Variants in ALPK3 observed in about 807,000 individuals in gnomAD.
ALPK3 encodes alpha-protein kinase 3.
ALPK3 carries 102 observed loss-of-function variants against 140.0 expected under a neutral mutation model. That is an observed-to-expected ratio of 0.73 (90% CI 0.62 to 0.86). The LOEUF is 0.86. ALPK3 is among the 40% of genes least tolerant of loss of function. ALPK3 has a pLI of 0.00. For missense variants in ALPK3, 2,254 were observed against 2,208.2 expected, an observed-to-expected ratio of 1.02 and a Z score of -0.42; for synonymous variants, 938 against 898.5, an observed-to-expected ratio of 1.04 and a Z score of -0.79.
rs1042739985 is a variant in ALPK3, at chr15:84,858,021, G to T, written c.3283G>T (p.Val1095Phe). 3.2e-6 allele frequency: 5 copies of T among 1,585,724 alleles called. No individual in the cohort carries two copies. The highest frequency in any genetic ancestry group is 4.3e-6 in the Non-Finnish European group (5 of 1,166,832). The change falls in exon 6 of 14, where the codon GTT becomes TTT. Residue 1095 changes from valine to phenylalanine, a missense_variant. Physicochemically the swap from Val to Phe is conservative, Grantham distance 50 (BLOSUM62 -1). This residue lies in a region of ALPK3 where 2,088 missense variants were observed against 2,022.9 expected (regional missense o/e 1.03). Coordinates refer to ENST00000258888, the MANE Select transcript of ALPK3 (RefSeq NM_020778.5). The part of the protein sequence containing the change: ...SEGASEGEGE[V>F]SPEGPGLLGA... ...AGGAGCCAGTGAGGGTGAAGGAGAG[G>T]TTTCCCCTGAGGGGCCTGGCCTCCT...
chr15:84,863,450 C>G lies in ALPK3; in HGVS notation c.4411-102C>G, dbSNP rs903822271. On this transcript the variant is annotated intron_variant, in intron 10 of 13. Transcript: ENST00000258888. ...CCTCCCCCAGGGCTGGAATCCTCCT[C>G]TCAGTCCCCTAACAGAATAGGTAGC... The G allele has an allele frequency of 1.4e-5, 14 of 1,007,376 alleles. No individual in the cohort carries two copies. In the African/African-American group the frequency reaches 1.9e-4, roughly 14 times the overall value. The allele number at this position is 1,007,376 out of a possible 1,614,324, so 62.4% of individuals were successfully genotyped here. A position where few individuals can be genotyped will look rare whatever the true frequency, so the allele number is the denominator to read the frequency against.
rs768225211 is a variant in ALPK3 at position 84,859,899 on chromosome 15, T to C, written c.4089T>C (p.Pro1363=). Residue 1363 remains proline (P), a synonymous_variant, in exon 8 of 14, where the codon CCT becomes CCC. Transcript: ENST00000258888. ...CCTCCACCGACTTCTGCCTCAGCCCTGAGGGTGAGTGTGCCCCGCGGCCCG... is the reference window on the plus strand; with the variant it reads ...CCTCCACCGACTTCTGCCTCAGCCCCGAGGGTGAGTGTGCCCCGCGGCCCG... ...GSASTDFCLS[P]EVLSGFISRE... The C allele has an allele frequency of 7.4e-6, 12 of 1,614,002 alleles. No homozygotes were observed. The highest frequency in any genetic ancestry group is 9.3e-6 in the Non-Finnish European group (11 of 1,180,004).
rs1204462742 is a variant in ALPK3, at chr15:84,839,050, AT to A, written c.376del (p.Tyr126MetfsTer47). On this transcript the variant is annotated frameshift_variant, in exon 4 of 14. Coordinates refer to ENST00000258888, the MANE Select transcript of ALPK3 (RefSeq NM_020778.5). LOFTEE classifies it high-confidence loss of function. ...TGGACCGCTACTGTGGCTTGCCAAA[AT>A]ATGAGATCACTCATCAGGGCAACCG... ...ELDRYCGLPK[Y>X]EITHQGNRHT... 1 of 1,612,668 alleles carries A rather than the reference AT, an allele frequency of 6.2e-7. No homozygotes were observed. Among genetic ancestry groups the A allele is most frequent in the Admixed American group, 1.7e-5 (1 of 59,892 alleles).
rs776487097 is a variant in ALPK3, at chr15:84,867,373, G to T, written c.4772+8G>T. The T allele has an allele frequency of 6.2e-7, 1 of 1,613,984 alleles. No individual in the cohort carries two copies. The highest frequency in any genetic ancestry group is 2.2e-5 in the East Asian group (1 of 44,772). On this transcript the variant is annotated splice_region_variant and intron_variant, in intron 13 of 13. Transcript: ENST00000258888. ...TGCTACCAAACTCCGAGGGTGAGTG[G>T]TTCTTGGGGACAGAATGCCCTCTGG... is the stretch of plus-strand genomic sequence containing the variant.
chr15:84,867,939 G>C (rs1567096411), intron 13 of ALPK3, among the ~76,000 whole-genome samples, 172 bp from the exon 14 acceptor site: 1 of 152,054 alleles, frequency 6.6e-6, no homozygotes, highest in African/African-American at 2.4e-5. Context: ...AAAAACTGAG[G>C]TTTTGGCTGC....
intron 10 of ALPK3, 99 bp downstream of exon 10, chr15:84,863,014 G>A: frequency 6.7e-7 from 1 of 1,483,230 alleles, no homozygotes; most frequent in Non-Finnish European, 9.1e-7. Flanking sequence ...GAGGCAGAAG[G>A]CATCTCAGTC....
chr15:84,822,573 G>C (rs1344335385), intron 1 of ALPK3, among the ~76,000 whole-genome samples: 1 of 152,106 alleles, frequency 6.6e-6, no homozygotes, highest in Non-Finnish European at 1.5e-5. Flanking sequence ...GGAGATTTTT[G>C]TATCAGGAAA....
chr15:84,854,899 AAT>A (rs1483156952), intron 5 of ALPK3, among the ~76,000 whole-genome samples: 1 of 152,212 alleles, frequency 6.6e-6, no homozygotes, highest in Non-Finnish European at 1.5e-5. Flanking sequence ...ATGTAAGTGA[AAT>A]ATGTTCAGTG....
chr15:84,859,460 A>C, intron 7 of ALPK3, 70 bp downstream of exon 7: 1 of 1,575,940 alleles, frequency 6.3e-7, no homozygotes, highest in Non-Finnish European at 8.6e-7. Flanking sequence ...GCACTGTCCT[A>C]GTGCTTTGAA....
chr15:84,864,744 G>C, intron 12 of ALPK3, 79 bp downstream of exon 12: 4 of 1,418,338 alleles, frequency 2.8e-6, no homozygotes, highest in Non-Finnish European at 3.9e-6. Flanking sequence ...CATAGTGCTT[G>C]GCTGATCGTT....
intron 4 of ALPK3, 79 bp from the exon 5 acceptor site, chr15:84,839,623 T>C: frequency 3.4e-6 from 5 of 1,489,312 alleles, no homozygotes; most frequent in Non-Finnish European, 4.5e-6. Flanking sequence ...TGCCCGGCTC[T>C]GAACGGCTCT....
chr15:84,828,381 C>A (rs1462811605), intron 3 of ALPK3, among the ~76,000 whole-genome samples: 1 of 152,102 alleles, frequency 6.6e-6, no homozygotes, highest in Non-Finnish European at 1.5e-5. Context: ...CCAGACATTG[C>A]CTCTCCCCCA....
At chr15:84,833,957 T>TTGTGTGTGTGTGTGTGTGTG (rs71453270) in intron 3 of ALPK3, among the ~76,000 whole-genome samples, 1 of 147,228 alleles carries the variant, frequency 6.8e-6, no homozygotes, top group African/African-American at 2.5e-5. Context: ...AGATTCTGTG[T>TTGTGTGTGTGTGTGTGTGTG]TGTGTGTGTG....
In ALPK3 at chr15:84,857,131, T is replaced by C. The variant is rs1002796135; in HGVS notation, c.2393T>C (p.Leu798Pro). Residue 798 changes from leucine (L) to proline (P), a missense_variant, in exon 6 of 14, where the codon CTC becomes CCC. This residue lies in a region of ALPK3 where 2,088 missense variants were observed against 2,022.9 expected (regional missense o/e 1.03). Coordinates refer to ENST00000258888, the MANE Select transcript of ALPK3 (RefSeq NM_020778.5). ...QTVLGPLSGN[L>P]MLPAQPPHEG... ...GTGCTGGGTCCCCTGTCAGGGAACC[T>C]CATGCTCCCAGCACAGCCGCCCCAT... 1 of 1,613,958 alleles carries C rather than the reference T, an allele frequency of 6.2e-7. No homozygotes were observed. The highest frequency in any genetic ancestry group is 8.5e-7 in the Non-Finnish European group (1 of 1,179,986).
Position 84,839,718 on chromosome 15 carries a change from G to A in ALPK3, c.439G>A (p.Ala147Thr), listed in dbSNP as rs1350523825. 1 of 1,605,422 alleles carries A rather than the reference G, an allele frequency of 6.2e-7. No individual in the cohort carries two copies. Among genetic ancestry groups the A allele is most frequent in the Non-Finnish European group, 8.5e-7 (1 of 1,174,342 alleles). Residue 147 changes from alanine to threonine, a missense_variant, in exon 5 of 14, where the codon GCC (alanine) becomes ACC (threonine). By Grantham distance (58) the Ala-to-Thr change is moderately conservative (BLOSUM62 0). Around this residue, in one of 3 missense-constraint regions of ALPK3, gnomAD observed 2,088 missense variants for 2,022.9 expected, o/e 1.03. Transcript: ENST00000258888. The part of the protein sequence containing the change: ...LQLYRCREED[A>T]AIYQASAQNS... The stretch of plus-strand genomic sequence containing the variant: ...TACCTCTAGGTGTCGAGAAGAAGAT[G>A]CCGCCATCTACCAGGCCTCTGCCCA...
intron 2 of ALPK3, among the ~76,000 whole-genome samples, chr15:84,824,036 A>C (rs1054511965): frequency 1.3e-5 from 2 of 152,154 alleles, no homozygotes; most frequent in African/African-American, 4.8e-5. Context: ...TGTTTTTTGT[A>C]ACCACATACC....
At chr15:84,831,462 G>GT (rs2141551322) in intron 3 of ALPK3, among the ~76,000 whole-genome samples, 1 of 152,122 alleles carries the variant, frequency 6.6e-6, no homozygotes, top group Admixed American at 6.5e-5. Context: ...GATTTCCTTA[G>GT]TTTTATCTTT....
chr15:84,863,881 T>G (rs1408041838), intron 11 of ALPK3, among the ~76,000 whole-genome samples: 4 of 152,202 alleles, frequency 2.6e-5, no homozygotes, highest in Non-Finnish European at 5.9e-5. Flanking sequence ...TCCTCATTCT[T>G]TAGTGCAGAT....
In ALPK3 at chr15:84,857,101, A is replaced by G. The variant is rs896234702; in HGVS notation, c.2363A>G (p.Gln788Arg). 2 of 1,614,196 alleles carry G rather than the reference A, an allele frequency of 1.2e-6. No individual in the cohort carries two copies. Among genetic ancestry groups the G allele is most frequent in the African/African-American group, 2.7e-5 (2 of 75,052 alleles). The change falls in exon 6 of 14, where the codon CAA (glutamine) becomes CGA (arginine). Residue 788 changes from glutamine to arginine, a missense_variant. Coordinates refer to ENST00000258888, the MANE Select transcript of ALPK3 (RefSeq NM_020778.5). ...AVVTASRNHE[Q>R]TVLGPLSGNL... ...GTAACAGCCTCCAGGAACCATGAGC[A>G]AACTGTGCTGGGTCCCCTGTCAGGG... is the stretch of plus-strand genomic sequence containing the variant.
Sources: gnomAD v4.1 joint callset for allele counts (sites outside exome capture counted in the v4.1 genomes callset) on GRCh38, gnomAD v4.1.1 for gene constraint, gnomAD v4.1.1 regional missense constraint, MANE v1.5 for transcripts, NCBI Gene and HGNC (gene_info 2026-07-23, HGNC 2026-07-21) for gene names.